Variants in NEMF observed in about 807,000 individuals in gnomAD.
NEMF encodes nuclear export mediator factor.
A neutral mutation model predicts 162.2 loss-of-function variants in NEMF; 89 were observed. The observed-to-expected ratio is 0.55, with a 90% CI of 0.46 to 0.65. NEMF has a LOEUF of 0.65. NEMF is among the 30% of genes least tolerant of loss of function. NEMF has a pLI of 0.00. For synonymous variants in NEMF, 421 were observed against 404.5 expected (o/e 1.04, Z -0.49); for missense variants, 1,133 against 1,261.9 (o/e 0.90, Z 1.55).
chr14:49,832,372 C>A, intron 8 of NEMF, 95 bp from the exon 9 acceptor site: 1 of 835,968 alleles, frequency 1.2e-6, no homozygotes, highest in East Asian at 2.6e-5. Context: ...CGCTCCATCA[C>A]CCAGGCTGGA....
chr14:49,840,681 T>C (rs1893156689), intron 5 of NEMF, 37 bp downstream of exon 5: 3 of 1,586,292 alleles, frequency 1.9e-6, no homozygotes, highest in Non-Finnish European at 8.6e-7. Flanking sequence ...TACATTTTAA[T>C]ACAATACGAA....
intron 16 of NEMF, among the ~76,000 whole-genome samples, chr14:49,821,899 T>C (rs1340261220): frequency 9.9e-5 from 15 of 150,920 alleles, no homozygotes; most frequent in Admixed American, 4.0e-4. Context: ...ATTGAGAAAT[T>C]GGATGGTTGC....
chr14:49,823,777 C>T (rs1291968644), intron 16 of NEMF, among the ~76,000 whole-genome samples: 2 of 152,130 alleles, frequency 1.3e-5, no homozygotes, highest in African/African-American at 2.4e-5. Flanking sequence ...ACATCACCAC[C>T]AACCCCAATT....
intron 20 of NEMF, among the ~76,000 whole-genome samples, 195 bp downstream of exon 20, chr14:49,803,041 TA>T (rs1014966835): frequency 2.0e-5 from 3 of 152,176 alleles, no homozygotes; most frequent in African/African-American, 7.2e-5. Flanking sequence ...CTGCCCTCAA[TA>T]AAAATATACA....
intron 10 of NEMF, 121 bp downstream of exon 10, chr14:49,831,930 A>G: frequency 3.1e-6 from 2 of 644,202 alleles, no homozygotes; most frequent in Admixed American, 3.4e-5. Context: ...CTGATCTTTA[A>G]TGCCCAGATT....
chr14:49,807,079 T>C lies in NEMF; in HGVS notation c.1745-946A>G, dbSNP rs530366216. Among the ~76,000 whole-genome samples the C allele has an allele frequency of 1.2e-4, 19 of 152,320 alleles. No homozygotes were observed. In the South Asian group the frequency reaches 3.7e-3, roughly 30 times the overall value. ...GTACCCAGCCCCTGGCAATTACTAA[T>C]CTATTTTCTGTCTCTATGGTTTTGC... is the stretch of plus-strand genomic sequence containing the variant. On this transcript the variant is annotated intron_variant, in intron 18 of 32. Transcript: ENST00000298310.
At chr14:49,838,087 G>A in intron 6 of NEMF, 52 bp downstream of exon 6, 3 of 1,403,490 alleles carry the variant, frequency 2.1e-6, no homozygotes, top group Non-Finnish European at 9.9e-7. Context: ...ATATATTCCT[G>A]AAAACCACAC....
Position 49,802,511 on chromosome 14 carries a change from G to A in NEMF, c.2037C>T (p.Asp679=), listed in dbSNP as rs770165439. 1.4e-5 allele frequency: 23 copies of A among 1,613,646 alleles called. No homozygotes were observed. The highest frequency in any genetic ancestry group is 1.9e-5 in the Non-Finnish European group (23 of 1,179,782). The change falls in exon 22 of 33, where the codon GAC becomes GAT. Residue 679 remains aspartate, a synonymous_variant. Transcript: ENST00000298310. ...GERKVRVQDE[D]METLASCTSE... is the part of the protein sequence containing the mutation. ...TTGTACAACTTGCCAGTGTCTCCAT[G>A]TCTTCATCCTGTACTCTGACTTTTC...
In NEMF at chr14:49,782,447, A is replaced by G; in HGVS notation, c.*2189T>C. The G allele has an allele frequency of 6.2e-7, 1 of 1,611,604 alleles. No individual in the cohort carries two copies. Among genetic ancestry groups the G allele is most frequent in the Non-Finnish European group, 8.5e-7 (1 of 1,177,906 alleles). ...GGATGTGCCAACAACTTGCTTGTCC[A>G]TCACAGAGCTGTAAGTATACTACCT... On this transcript the variant is annotated 3_prime_UTR_variant, in exon 33 of 33. Coordinates refer to ENST00000298310, the MANE Select transcript of NEMF (RefSeq NM_004713.6).
chr14:49,816,978 A>C (rs780671634), intron 16 of NEMF, among the ~76,000 whole-genome samples: 1 of 152,250 alleles, frequency 6.6e-6, no homozygotes, highest in Non-Finnish European at 1.5e-5. Flanking sequence ...ACAAGCAAAA[A>C]GCAAACAGTA....
chr14:49,827,811 C>T lies in NEMF; in HGVS notation c.1488+480G>A, dbSNP rs1178610870. 7.4e-5 allele frequency among the ~76,000 whole-genome samples: 11 copies of T among 147,726 alleles called. No homozygotes were observed. The East Asian group carries it at 1.6e-3, about 21-fold the overall frequency. ...CTGAGCAATAAGAGTGAAACTCCAT[C>T]GCAAAAAAAAAAAAGGGTCACAATG... On this transcript the variant is annotated intron_variant, in intron 15 of 32. Coordinates refer to ENST00000298310, the MANE Select transcript of NEMF (RefSeq NM_004713.6).
At chr14:49,845,016 G>A (rs1342060590) in intron 4 of NEMF, among the ~76,000 whole-genome samples, 5 of 151,890 alleles carry the variant, frequency 3.3e-5, no homozygotes, top group Admixed American at 6.6e-5. Context: ...TGATCCACTC[G>A]CCTTGGCCTC....
At chr14:49,789,655 TTA>T (rs1434631233) in intron 26 of NEMF, 82 bp from the exon 27 acceptor site, 2 of 1,529,378 alleles carry the variant, frequency 1.3e-6, no homozygotes, top group African/African-American at 2.8e-5. Context: ...TGGTGTTACT[TTA>T]TATTCTCTGT....
Position 49,789,537 on chromosome 14 carries a change from G to A in NEMF, c.2656C>T (p.Gln886Ter), listed in dbSNP as rs1890343322. Residue 886 changes from glutamine to a stop codon, truncating the protein, a stop_gained, in exon 27 of 33, where the codon CAG (glutamine) becomes TAG (stop). Coordinates refer to ENST00000298310, the MANE Select transcript of NEMF (RefSeq NM_004713.6). LOFTEE classifies it high-confidence loss of function. ...ATAAGTTCACGGTCTTCTTCATCCTGGTCTTTGTATTTTTCTTTCATTTTT... is the reference window on the plus strand; with the variant it reads ...ATAAGTTCACGGTCTTCTTCATCCTAGTCTTTGTATTTTTCTTTCATTTTT... ...MKKMKEKYKD[Q>*]DEEDRELIMK... The A allele has an allele frequency of 6.2e-7, 1 of 1,611,556 alleles. No individual in the cohort carries two copies. The highest frequency in any genetic ancestry group is 8.5e-7 in the Non-Finnish European group (1 of 1,179,464).
At chr14:49,847,567 C>T (rs1481463481) in intron 3 of NEMF, among the ~76,000 whole-genome samples, 1 of 151,990 alleles carries the variant, frequency 6.6e-6, no homozygotes, top group African/African-American at 2.4e-5. Flanking sequence ...CTTTTGTATG[C>T]TTCATTTATG....
At chr14:49,792,347 T>G (rs1195649446) in intron 26 of NEMF, among the ~76,000 whole-genome samples, 1 of 152,130 alleles carries the variant, frequency 6.6e-6, no homozygotes, top group Non-Finnish European at 1.5e-5. Flanking sequence ...TCCAAGAAGC[T>G]GGGACCTACA....
intron 3 of NEMF, among the ~76,000 whole-genome samples, chr14:49,849,104 C>T (rs1390279164): frequency 1.3e-5 from 2 of 152,098 alleles, no homozygotes; most frequent in Admixed American, 6.6e-5. Flanking sequence ...ACAATCTGCT[C>T]CTCCTTAACT....
intron 6 of NEMF, among the ~76,000 whole-genome samples, chr14:49,835,464 C>T (rs924601155): frequency 1.3e-5 from 2 of 152,116 alleles, no homozygotes; most frequent in African/African-American, 4.8e-5. Context: ...CAAAATTCAA[C>T]ACTAATTCCT....
At chr14:49,846,024 G>A in intron 4 of NEMF, 116 bp downstream of exon 4, 1 of 765,282 alleles carries the variant, frequency 1.3e-6, no homozygotes, top group South Asian at 2.0e-5. Context: ...CATTTCCTAG[G>A]GTAGTAACAA....
Sources: gnomAD v4.1 joint callset for allele counts (sites outside exome capture counted in the v4.1 genomes callset) on GRCh38, gnomAD v4.1.1 for gene constraint, MANE v1.5 for transcripts, NCBI Gene and HGNC (gene_info 2026-07-23, HGNC 2026-07-21) for gene names.